AUTS2: variants seen among roughly 807,000 people sequenced by gnomAD.
AUTS2 encodes autism susceptibility gene 2 protein.
Under a neutral mutation model 112.4 loss-of-function variants are expected in AUTS2, and 17 were observed. The ratio of observed to expected loss-of-function variants is 0.15; its 90% CI spans 0.10 to 0.23. The LOEUF (loss-of-function observed/expected upper bound fraction) is 0.23, where lower values mean the gene tolerates loss of function less well. AUTS2 is among the 10% of genes least tolerant of loss of function. AUTS2 has a pLI of 1.00. For missense variants in AUTS2, 1,510 were observed against 1,701.6 expected, an observed-to-expected ratio of 0.89 and a Z score of 1.98; for synonymous variants, 751 against 702.7, an observed-to-expected ratio of 1.07 and a Z score of -1.09.
chr7:69,965,519 A>G (rs1797602980), intron 2 of AUTS2, among the ~76,000 whole-genome samples: 1 of 152,132 alleles, frequency 6.6e-6, no homozygotes, highest in Non-Finnish European at 1.5e-5. Context: ...AATACGCTAT[A>G]GATGCCCCCA....
intron 6 of AUTS2, chr7:70,698,935 T>A (rs1357466197): frequency 8.9e-6 from 2 of 225,014 alleles, no homozygotes; most frequent in Non-Finnish European, 1.7e-5. Context: ...TATTGTTACT[T>A]ATCAACTACC....
intron 2 of AUTS2, among the ~76,000 whole-genome samples, chr7:70,094,657 T>C (rs946420237): frequency 2.6e-5 from 4 of 152,190 alleles, no homozygotes; most frequent in African/African-American, 7.2e-5. Context: ...TAAAGCAGTA[T>C]GGAAATGGCT....
intron 4 of AUTS2, among the ~76,000 whole-genome samples, chr7:70,346,699 T>G (rs1021471528): frequency 4.6e-5 from 7 of 152,150 alleles, no homozygotes; most frequent in Non-Finnish European, 7.4e-5. Context: ...TGACAAACCC[T>G]TCACCTACCA....
intron 2 of AUTS2, among the ~76,000 whole-genome samples, chr7:70,025,566 C>T (rs374197838): frequency 6.6e-6 from 1 of 151,704 alleles, no homozygotes; most frequent in Admixed American, 6.6e-5. Context: ...ATTCTCCTGC[C>T]TCAGCCTCTC....
At chr7:69,885,303 A>G (rs1280523805) in intron 1 of AUTS2, among the ~76,000 whole-genome samples, 1 of 152,208 alleles carries the variant, frequency 6.6e-6, no homozygotes, top group Non-Finnish European at 1.5e-5. Context: ...TTTTAAGGTC[A>G]GAAAGGTGTC....
At chr7:69,801,125 G>A (rs1293799715) in intron 1 of AUTS2, among the ~76,000 whole-genome samples, 1 of 151,476 alleles carries the variant, frequency 6.6e-6, no homozygotes, top group African/African-American at 2.4e-5. Flanking sequence ...TCATTGCTAG[G>A]CATAAGGTAT....
At chr7:70,298,324 A>G (rs1046010264) in intron 4 of AUTS2, among the ~76,000 whole-genome samples, 5 of 152,142 alleles carry the variant, frequency 3.3e-5, no homozygotes, top group African/African-American at 1.2e-4. Flanking sequence ...AAGCCACTGC[A>G]CCTGGCCCAA....
intron 2 of AUTS2, among the ~76,000 whole-genome samples, chr7:70,044,078 C>T (rs948116016): frequency 7.2e-5 from 11 of 152,112 alleles, no homozygotes; most frequent in African/African-American, 2.7e-4. Context: ...TTTTAGCCAG[C>T]CCTCCCTCCT....
In AUTS2 at chr7:70,220,656, G is replaced by A. The variant is rs535546385; in HGVS notation, c.660+86085G>A. 2.0e-5 allele frequency among the ~76,000 whole-genome samples: 3 copies of A among 152,318 alleles called. No homozygotes were observed. In the East Asian group the frequency reaches 5.8e-4, roughly 29 times the overall value. On this transcript the variant is annotated intron_variant, in intron 4 of 18. Transcript: ENST00000342771. ...AGCTACGGATGCATGGAAATGATGG[G>A]ATATCAGCTGGATCCTGAAGAAAAA... is the stretch of plus-strand genomic sequence containing the variant.
chr7:70,477,887 C>CA (rs1797641324), intron 5 of AUTS2, among the ~76,000 whole-genome samples: 1 of 152,264 alleles, frequency 6.6e-6, no homozygotes, highest in African/African-American at 2.4e-5. Flanking sequence ...GATGTTGGGT[C>CA]ATCCGGGGAA....
At position 70,344,236 on chromosome 7, in the gene AUTS2, A is replaced by G. The variant is rs183993358; in HGVS notation, c.661-91516A>G. On this transcript the variant is annotated intron_variant, in intron 4 of 18. Transcript: ENST00000342771. Reference sequence around the variant, plus strand: ...TCTGAACCATGGAAATATGGCAGACATGGCAGAATAGAAATCAATGAGACC... The same window carrying G: ...TCTGAACCATGGAAATATGGCAGACGTGGCAGAATAGAAATCAATGAGACC... 3.9e-5 allele frequency among the ~76,000 whole-genome samples: 6 copies of G among 152,314 alleles called. No homozygotes were observed. The East Asian group carries it at 1.2e-3, about 29-fold the overall frequency.
At position 69,796,534 on chromosome 7, in the gene AUTS2, A is replaced by G. The variant is rs573609235; in HGVS notation, c.310-102752A>G. Among the ~76,000 whole-genome samples, 74 of 152,142 alleles carry G rather than the reference A, an allele frequency of 4.9e-4. 1 individual carries two copies. The highest frequency in any genetic ancestry group is 4.4e-3 in the Admixed American group (68 of 15,284). Reference sequence around the variant, plus strand: ...TGAGACTCTGTTTCCAAAAAAAAAAAAAAAGAAAAGAAAATAGGGAAGAGA... The same window carrying G: ...TGAGACTCTGTTTCCAAAAAAAAAAGAAAAGAAAAGAAAATAGGGAAGAGA... On this transcript the variant is annotated intron_variant, in intron 1 of 18. Coordinates refer to ENST00000342771, the MANE Select transcript of AUTS2 (RefSeq NM_015570.4).
At chr7:70,316,619 G>A (rs1356286192) in intron 4 of AUTS2, among the ~76,000 whole-genome samples, 3 of 151,826 alleles carry the variant, frequency 2.0e-5, no homozygotes, top group South Asian at 2.1e-4. Context: ...GGCTGGTCTC[G>A]AACTCCTGGC....
At chr7:70,776,974 G>C in intron 13 of AUTS2, 129 bp from the exon 14 acceptor site, 1 of 799,230 alleles carries the variant, frequency 1.3e-6, no homozygotes, top group Middle Eastern at 3.4e-4. Context: ...GGCACTTGGA[G>C]AGTACAAAGC....
chr7:70,418,101 G>C (rs539359029), intron 4 of AUTS2, among the ~76,000 whole-genome samples: 2,385 of 148,704 alleles, frequency 0.016, 61 homozygotes, highest in African/African-American at 0.056. Flanking sequence ...GTGTGTGTGT[G>C]TGTGTGTGTG....
At chr7:70,247,477 T>C (rs1423709555) in intron 4 of AUTS2, among the ~76,000 whole-genome samples, 1 of 152,196 alleles carries the variant, frequency 6.6e-6, no homozygotes, top group Admixed American at 6.5e-5. Flanking sequence ...ATATAATTAA[T>C]ACTATTAAGC....
intron 4 of AUTS2, among the ~76,000 whole-genome samples, chr7:70,170,657 T>C (rs1245710244): frequency 1.4e-5 from 2 of 146,408 alleles, no homozygotes; most frequent in Non-Finnish European, 3.0e-5. Flanking sequence ...AGTGCGGTGG[T>C]GCGATCTCAG....
chr7:70,588,474 G>C (rs906655643), intron 5 of AUTS2, among the ~76,000 whole-genome samples: 1 of 152,180 alleles, frequency 6.6e-6, no homozygotes, highest in African/African-American at 2.4e-5. Context: ...TCAGAGTCCA[G>C]TTAGGGAAAA....
At position 69,614,930 on chromosome 7, in the gene AUTS2, A is replaced by G. The variant is rs537641367; in HGVS notation, c.309+14968A>G. Among the ~76,000 whole-genome samples, 18 of 152,314 alleles carry G rather than the reference A, an allele frequency of 1.2e-4. 1 individual carries two copies. In the South Asian group the frequency reaches 3.3e-3, roughly 28 times the overall value. ...AATGGAAATACCATACTAGAATTCT[A>G]TTTTACAGATTGTAATTGTTGGGGA... On this transcript the variant is annotated intron_variant, in intron 1 of 18. Transcript: ENST00000342771.
Sources: gnomAD v4.1 joint callset for allele counts (sites outside exome capture counted in the v4.1 genomes callset) on GRCh38, gnomAD v4.1.1 for gene constraint, MANE v1.5 for transcripts, NCBI Gene and HGNC (gene_info 2026-07-23, HGNC 2026-07-21) for gene names.